Variants in FMNL1 observed in about 807,000 individuals in gnomAD.
The protein encoded by FMNL1 is formin like 1.
In FMNL1, 43 loss-of-function variants were observed where a neutral mutation model predicts 121.3. That is an observed-to-expected ratio of 0.35 (90% CI 0.28 to 0.46). The LOEUF (loss-of-function observed/expected upper bound fraction) is 0.46, where lower values mean the gene tolerates loss of function less well. FMNL1 is among the 20% of genes least tolerant of loss of function. The pLI is 1.00. For missense variants in FMNL1, 1,191 were observed against 1,482.4 expected (o/e 0.80, Z 3.23); for synonymous variants, 613 against 613.5 (o/e 1.00, Z 0.01).
Position 45,247,163 on chromosome 17 carries a change from G to A in FMNL1, c.*305G>A, listed in dbSNP as rs1246813071. 2 of 577,986 alleles carry A rather than the reference G, an allele frequency of 3.5e-6. No individual in the cohort carries two copies. Among genetic ancestry groups the A allele is most frequent in the Non-Finnish European group, 6.2e-6 (2 of 322,750 alleles). 35.8% of individuals were successfully genotyped at this position (577,986 alleles called of 1,614,324 possible). ...CCCCTTCCCCCAAATGCTGCTTGCA[G>A]CACCCACCCTAAAGCCCCCTCCAAA... On this transcript the variant is annotated 3_prime_UTR_variant, in exon 27 of 27. Transcript: ENST00000331495.
chr17:45,233,000 C>CG, intron 3 of FMNL1: 1 of 652,006 alleles, frequency 1.5e-6, no homozygotes, highest in Non-Finnish European at 2.8e-6. Flanking sequence ...GCCCATGTAT[C>CG]GGGGGTGTGT....
At chr17:45,238,744 G>A (rs892646519) in intron 10 of FMNL1, 106 bp downstream of exon 10, 25 of 1,417,018 alleles carry the variant, frequency 1.8e-5, no homozygotes, top group Admixed American at 5.5e-5. Flanking sequence ...CCCGCAAAGC[G>A]TAAGGACTGA....
intron 1 of FMNL1, among the ~76,000 whole-genome samples, chr17:45,229,063 G>A (rs537609389): frequency 1.3e-5 from 2 of 152,300 alleles, no homozygotes; most frequent in Admixed American, 1.3e-4. Context: ...CCCACCCCCT[G>A]CCCCTGTGGT....
Position 45,222,179 on chromosome 17 carries a change from C to A in FMNL1, c.55C>A (p.Pro19Thr). 8.1e-7 allele frequency: 1 copy of A among 1,234,136 alleles called. No homozygotes were observed. 76.4% of individuals were successfully genotyped at this position (1,234,136 alleles called of 1,614,324 possible). A position where few individuals can be genotyped will look rare whatever the true frequency, so the allele number is the denominator to read the frequency against. The change falls in exon 1 of 27, where the codon CCC becomes ACC. Residue 19 changes from proline to threonine, a missense_variant. This residue lies in a region of FMNL1 where 52 missense variants were observed against 43.4 expected (regional missense o/e 1.20). Coordinates refer to ENST00000331495, the MANE Select transcript of FMNL1 (RefSeq NM_005892.4). ...GCCCGCGGGCCCCGCCGCGCCGCCC[C>A]CCAAGCAGCCCGCGCCTCCCAAGCA... ...EQPAGPAAPPPKQPAPPKQPM... is the reference protein window; with the variant it reads ...EQPAGPAAPPTKQPAPPKQPM...
Position 45,236,127 on chromosome 17 carries a change from C to T in FMNL1, c.615-9C>T. ...CTGACTCCTGCTGCCTCCTCCACAC[C>T]CCGCCCAGGCTGACCCCAGCCCACA... On this transcript the variant is annotated splice_polypyrimidine_tract_variant and intron_variant, in intron 6 of 26. Coordinates refer to ENST00000331495, the MANE Select transcript of FMNL1 (RefSeq NM_005892.4). The T allele has an allele frequency of 1.2e-6, 2 of 1,608,914 alleles. No homozygotes were observed. Among genetic ancestry groups the T allele is most frequent in the Non-Finnish European group, 1.7e-6 (2 of 1,179,210 alleles).
At position 45,240,491 on chromosome 17, in the gene FMNL1, G is replaced by C; in HGVS notation, c.1096G>C (p.Glu366Gln). Residue 366 changes from glutamate to glutamine, a missense_variant, in exon 12 of 27, where the codon GAG becomes CAG. This residue lies in a region of FMNL1 where 519 missense variants were observed against 492.8 expected (regional missense o/e 1.05). Transcript: ENST00000331495. Reference sequence around the variant, plus strand: ...TGGGGGACAGAGGCTTCGGCTCACCGAGAGTGACAAGCTGCAGGTGCAGAT... The same window carrying C: ...TGGGGGACAGAGGCTTCGGCTCACCCAGAGTGACAAGCTGCAGGTGCAGAT... ...DLYLERLRLT[E>Q]SDKLQVQIQA... The C allele has an allele frequency of 6.2e-7, 1 of 1,613,028 alleles. No individual in the cohort carries two copies. The highest frequency in any genetic ancestry group is 2.2e-5 in the East Asian group (1 of 44,876).
At position 45,243,961 on chromosome 17, in the gene FMNL1, C is replaced by T. The variant is rs376185893; in HGVS notation, c.2384C>T (p.Pro795Leu). ...MLCFSRIPRL[P>L]ERMTTLTFLG... is the part of the protein sequence containing the mutation. ...TGCTTCAGCCGCATCCCGCGCCTGCCGGAGCGCATGACCACACTCACCTTC... is the reference window on the plus strand; with the variant it reads ...TGCTTCAGCCGCATCCCGCGCCTGCTGGAGCGCATGACCACACTCACCTTC... Residue 795 changes from proline to leucine, a missense_variant, in exon 18 of 27, where the codon CCG (proline) becomes CTG (leucine). By Grantham distance (98) the Pro-to-Leu change is moderately conservative. This residue lies in a region of FMNL1 where 367 missense variants were observed against 528.6 expected (regional missense o/e 0.69). Coordinates refer to ENST00000331495, the MANE Select transcript of FMNL1 (RefSeq NM_005892.4). The T allele has an allele frequency of 1.2e-4, 190 of 1,613,208 alleles. No homozygotes were observed. The highest frequency in any genetic ancestry group is 7.8e-4 in the East Asian group (35 of 44,900).
At chr17:45,232,731 CAT>C in intron 3 of FMNL1, 1 of 608,270 alleles carries the variant, frequency 1.6e-6, no homozygotes, top group Non-Finnish European at 3.0e-6. Context: ...TGTGTATACA[CAT>C]GTGCAGCCCA....
At position 45,237,400 on chromosome 17, in the gene FMNL1, CT is replaced by C; in HGVS notation, c.800+44del. On this transcript the variant is annotated intron_variant, in intron 8 of 26. Transcript: ENST00000331495. The surrounding 1 kb of genome is among the most constrained non-coding windows in gnomAD (Gnocchi z 4.4). ...AACCTTTCTCCGTATCTAGAGTCTT[CT>C]CCTACTTAGCCCCTTGCTTACTCTG... 1.9e-6 allele frequency: 3 copies of C among 1,612,576 alleles called. No homozygotes were observed. The highest frequency in any genetic ancestry group is 2.5e-6 in the Non-Finnish European group (3 of 1,178,576).
chr17:45,235,230 GA>G, intron 6 of FMNL1, among the ~76,000 whole-genome samples: 2 of 152,378 alleles, frequency 1.3e-5, no homozygotes, highest in South Asian at 4.1e-4. Context: ...CTAAGTGGGG[GA>G]CAATTTAGTG....
rs762957389 is a variant in FMNL1 at position 45,236,225 on chromosome 17, G to A, written c.704G>A (p.Arg235His). The A allele has an allele frequency of 1.8e-5, 29 of 1,613,844 alleles. No individual in the cohort carries two copies. Among genetic ancestry groups the A allele is most frequent in the Middle Eastern group, 3.3e-4 (2 of 6,082 alleles). Residue 235 changes from arginine (R) to histidine (H), a missense_variant, in exon 7 of 27, where the codon CGC (arginine) becomes CAC (histidine). Physicochemically the swap from Arg to His is conservative, Grantham distance 29. Transcript: ENST00000331495. ...DDVHVCIMCL[R>H]AIMNYQSGFS... is the part of the protein sequence containing the mutation. The stretch of plus-strand genomic sequence containing the variant: ...GTCCACGTCTGTATTATGTGCCTAC[G>A]CGCCATCATGAACTACCAGGTCAGC...
chr17:45,241,484 A>G lies in FMNL1; in HGVS notation c.1435A>G (p.Lys479Glu). 6.3e-7 allele frequency: 1 copy of G among 1,576,774 alleles called. No homozygotes were observed. Among genetic ancestry groups the G allele is most frequent in the Admixed American group, 1.8e-5 (1 of 54,232 alleles). The change falls in exon 14 of 27, where the codon AAG becomes GAG. Residue 479 changes from lysine to glutamate, a missense_variant. By Grantham distance (56) the Lys-to-Glu change is moderately conservative (BLOSUM62 1). Transcript: ENST00000331495. The surrounding 1 kb of genome is among the most constrained non-coding windows in gnomAD (Gnocchi z 7.0). ...APTRPSALEL[K>E]VEELEEKGLI... is the part of the protein sequence containing the mutation. ...GACGCGGCCCTCGGCCCTGGAGCTG[A>G]AGGTGGAGGAGCTGGAGGAGAAGGG...
In FMNL1 at chr17:45,238,901, A is replaced by T. The variant is rs1197044518; in HGVS notation, c.970-54A>T. On this transcript the variant is annotated intron_variant, in intron 10 of 26. Coordinates refer to ENST00000331495, the MANE Select transcript of FMNL1 (RefSeq NM_005892.4). Reference sequence around the variant, plus strand: ...CTTGGGGTAAGTGGAGGTGGAAGGCATTGAGCAACCCCACCTAGAGGATCA... The same window carrying T: ...CTTGGGGTAAGTGGAGGTGGAAGGCTTTGAGCAACCCCACCTAGAGGATCA... 19 of 1,486,962 alleles carry T rather than the reference A, an allele frequency of 1.3e-5. No homozygotes were observed. In the Admixed American group the frequency reaches 3.0e-4, roughly 24 times the overall value. The allele number at this position is 1,486,962 out of a possible 1,614,324, so 92.1% of individuals were successfully genotyped here.
chr17:45,228,227 T>A (rs1242734395), intron 1 of FMNL1, among the ~76,000 whole-genome samples: 2 of 152,212 alleles, frequency 1.3e-5, no homozygotes, highest in Admixed American at 1.3e-4. Flanking sequence ...CTAATTAGTG[T>A]TCGGCGCTGT....
intron 11 of FMNL1, among the ~76,000 whole-genome samples, chr17:45,239,612 G>A (rs960648897): frequency 2.6e-5 from 4 of 152,122 alleles, no homozygotes; most frequent in African/African-American, 7.2e-5. Flanking sequence ...CGGGGCTTTC[G>A]GGGTTGGATT....
chr17:45,223,160 C>T (rs73319093), intron 1 of FMNL1, among the ~76,000 whole-genome samples: 3,889 of 152,346 alleles, frequency 0.026, 166 homozygotes, highest in African/African-American at 0.088. Flanking sequence ...AACTAATTGC[C>T]TGGTGGCCTG....
At chr17:45,223,355 C>A (rs941680456) in intron 1 of FMNL1, among the ~76,000 whole-genome samples, 6 of 152,216 alleles carry the variant, frequency 3.9e-5, no homozygotes, top group African/African-American at 9.6e-5. Flanking sequence ...CCTCGCCTGG[C>A]TGGTCATTAG....
intron 16 of FMNL1, 144 bp downstream of exon 16, chr17:45,242,609 G>T: frequency 7.7e-7 from 1 of 1,300,494 alleles, no homozygotes. Context: ...CATTAAGCCA[G>T]ACTGGACCAA....
intron 1 of FMNL1, 138 bp downstream of exon 1, chr17:45,222,391 G>C (rs1309435657): frequency 1.4e-5 from 10 of 724,808 alleles, no homozygotes; most frequent in Non-Finnish European, 1.8e-5. Flanking sequence ...CCTCCAGGAG[G>C]TGGGAGCGAC....
Sources: gnomAD v4.1 joint callset for allele counts (sites outside exome capture counted in the v4.1 genomes callset) on GRCh38, gnomAD v4.1.1 for gene constraint, gnomAD v4.1.1 regional missense constraint, Gnocchi (gnomAD v3.1) non-coding constraint, MANE v1.5 for transcripts, NCBI Gene and HGNC (gene_info 2026-07-23, HGNC 2026-07-21) for gene names.